TMEM163: variants seen among roughly 807,000 people sequenced by gnomAD.
TMEM163 encodes transmembrane protein 163.
Under a neutral mutation model 29.3 loss-of-function variants are expected in TMEM163, and 17 were observed. The ratio of observed to expected loss-of-function variants is 0.58; its 90% CI spans 0.40 to 0.87. The LOEUF (loss-of-function observed/expected upper bound fraction) is 0.87. TMEM163 is among the 40% of genes least tolerant of loss of function. The probability of loss-of-function intolerance (pLI) is 0.00; values close to 1 mark genes in which losing one functional copy is unlikely to be tolerated. For missense variants in TMEM163, 303 were observed against 381.5 expected (o/e 0.79, Z 1.71); for synonymous variants, 157 against 160.6 (o/e 0.98, Z 0.17).
chr2:134,643,897 C>T (rs1391901375), intron 2 of TMEM163, among the ~76,000 whole-genome samples: 1 of 151,824 alleles, frequency 6.6e-6, no homozygotes, highest in Non-Finnish European at 1.5e-5. Context: ...AAAAAGGAAA[C>T]TCCTAGGACT....
chr2:134,456,548 T>G lies in TMEM163; in HGVS notation c.*168A>C. 1 of 723,142 alleles carries G rather than the reference T, an allele frequency of 1.4e-6. No homozygotes were observed. Among genetic ancestry groups the G allele is most frequent in the Non-Finnish European group, 2.4e-6 (1 of 424,694 alleles). The allele number at this position is 723,142 out of a possible 1,614,324, so 44.8% of individuals were successfully genotyped here. A position where few individuals can be genotyped will look rare whatever the true frequency, so the allele number is the denominator to read the frequency against. On this transcript the variant is annotated 3_prime_UTR_variant, in exon 8 of 8. Transcript: ENST00000281924. ...CAACATGTTTGATGGGGGCGGCAGGTGATGGGGGCAAGGTAGATCCACCTG... is the reference window on the plus strand; with the variant it reads ...CAACATGTTTGATGGGGGCGGCAGGGGATGGGGGCAAGGTAGATCCACCTG...
At chr2:134,603,491 G>A (rs1040155106) in intron 2 of TMEM163, among the ~76,000 whole-genome samples, 2 of 152,160 alleles carry the variant, frequency 1.3e-5, no homozygotes, top group Non-Finnish European at 2.9e-5. Flanking sequence ...TCCTGGGCAC[G>A]TTGAGATAAC....
intron 4 of TMEM163, among the ~76,000 whole-genome samples, chr2:134,534,426 A>G (rs1465227961): frequency 2.0e-5 from 3 of 152,148 alleles, no homozygotes; most frequent in African/African-American, 7.2e-5. Flanking sequence ...ACATTCACTA[A>G]CCTGTCATGG....
intron 2 of TMEM163, among the ~76,000 whole-genome samples, chr2:134,559,844 C>A (rs1042969696): frequency 2.6e-5 from 4 of 152,256 alleles, no homozygotes; most frequent in African/African-American, 9.6e-5. Context: ...AGGTCACTTG[C>A]ACTCCAATTT....
chr2:134,694,269 G>A (rs1684533776), intron 2 of TMEM163, among the ~76,000 whole-genome samples: 1 of 152,150 alleles, frequency 6.6e-6, no homozygotes, highest in Non-Finnish European at 1.5e-5. Context: ...AATTGGGACT[G>A]GGCAACATAA....
At chr2:134,503,294 C>T (rs1210740919) in intron 4 of TMEM163, among the ~76,000 whole-genome samples, 2 of 152,192 alleles carry the variant, frequency 1.3e-5, no homozygotes, top group Non-Finnish European at 1.5e-5. Context: ...AATCTTTCTC[C>T]CTTGCCTGGC....
intron 4 of TMEM163, among the ~76,000 whole-genome samples, chr2:134,539,812 A>G (rs1346006070): frequency 6.6e-6 from 1 of 152,208 alleles, no homozygotes; most frequent in Admixed American, 6.5e-5. Flanking sequence ...AGCTGTGGGG[A>G]AAACAAGCCC....
intron 5 of TMEM163, among the ~76,000 whole-genome samples, chr2:134,476,682 A>G (rs1273971033): frequency 6.6e-6 from 1 of 152,224 alleles, no homozygotes; most frequent in African/African-American, 2.4e-5. Flanking sequence ...TCAGAGGCTT[A>G]GAGGTCAGTG....
At chr2:134,644,983 A>G (rs1683302836) in intron 2 of TMEM163, among the ~76,000 whole-genome samples, 1 of 152,222 alleles carries the variant, frequency 6.6e-6, no homozygotes, top group East Asian at 1.9e-4. Context: ...ACTAAAAAAG[A>G]TATACAAATG....
chr2:134,563,213 C>A (rs767835256), intron 2 of TMEM163, among the ~76,000 whole-genome samples: 9 of 152,220 alleles, frequency 5.9e-5, no homozygotes, highest in Non-Finnish European at 8.8e-5. Context: ...CACTGCCAGC[C>A]AGGCAGTCTT....
At chr2:134,612,524 C>G (rs1381136056) in intron 2 of TMEM163, among the ~76,000 whole-genome samples, 1 of 135,070 alleles carries the variant, frequency 7.4e-6, no homozygotes, top group African/African-American at 2.8e-5. Flanking sequence ...TGCCAGAACA[C>G]TAATGAAGGT....
intron 2 of TMEM163, among the ~76,000 whole-genome samples, chr2:134,621,514 G>C (rs1682733321): frequency 6.6e-6 from 1 of 152,274 alleles, no homozygotes; most frequent in East Asian, 1.9e-4. Flanking sequence ...TCCATGCAAA[G>C]CCTTGTATGC....
chr2:134,540,113 C>G (rs150895973), intron 4 of TMEM163, among the ~76,000 whole-genome samples: 4 of 152,220 alleles, frequency 2.6e-5, no homozygotes, highest in Non-Finnish European at 5.9e-5. Flanking sequence ...CCATCCATAG[C>G]GCTAGGCCCT....
At chr2:134,700,534 A>G (rs952785404) in intron 2 of TMEM163, among the ~76,000 whole-genome samples, 1 of 152,186 alleles carries the variant, frequency 6.6e-6, no homozygotes, top group Non-Finnish European at 1.5e-5. Context: ...GAAATATCGC[A>G]GGATGGTTCC....
At chr2:134,662,517 A>G (rs1172936231) in intron 2 of TMEM163, among the ~76,000 whole-genome samples, 1 of 152,162 alleles carries the variant, frequency 6.6e-6, no homozygotes, top group Non-Finnish European at 1.5e-5. Context: ...TATTCATATA[A>G]TTTCAAAATA....
chr2:134,669,219 CAT>C (rs1388378182), intron 2 of TMEM163, among the ~76,000 whole-genome samples: 12 of 152,232 alleles, frequency 7.9e-5, no homozygotes, highest in African/African-American at 2.9e-4. Flanking sequence ...GATACCCACT[CAT>C]GTGTTCCTGA....
intron 2 of TMEM163, among the ~76,000 whole-genome samples, chr2:134,660,122 C>T (rs1007593010): frequency 1.3e-5 from 2 of 152,106 alleles, no homozygotes; most frequent in Non-Finnish European, 2.9e-5. Context: ...TCAGCAAGTG[C>T]TCCTATGAGG....
intron 2 of TMEM163, among the ~76,000 whole-genome samples, chr2:134,601,979 C>A (rs1682246611): frequency 6.6e-6 from 1 of 152,156 alleles, no homozygotes; most frequent in Admixed American, 6.5e-5. Context: ...ACAGCTTGAA[C>A]AAAGGCTTGG....
At chr2:134,468,333 T>C (rs568801978) in intron 5 of TMEM163, 1 of 152,378 alleles carries the variant, frequency 6.6e-6, no homozygotes, top group Non-Finnish European at 1.5e-5. Context: ...CACCATCTCA[T>C]GAACCAGGAA....
Sources: gnomAD v4.1 joint callset for allele counts (sites outside exome capture counted in the v4.1 genomes callset) on GRCh38, gnomAD v4.1.1 for gene constraint, MANE v1.5 for transcripts, NCBI Gene and HGNC (gene_info 2026-07-23, HGNC 2026-07-21) for gene names.